Variants in SS18L1 observed in about 807,000 individuals in gnomAD.
SS18L1 encodes the protein SS18L1 subunit of BAF chromatin remodeling complex.
Under a neutral mutation model 70.3 loss-of-function variants are expected in SS18L1, and 32 were observed. The observed-to-expected ratio is 0.46, with a 90% CI of 0.34 to 0.61. The LOEUF (loss-of-function observed/expected upper bound fraction) is 0.61, where lower values mean the gene tolerates loss of function less well. Among genes scored for constraint, SS18L1 ranks in the 20% least tolerant of loss-of-function variants. SS18L1 has a pLI of 0.01. For missense variants in SS18L1, 430 were observed against 542.1 expected, an observed-to-expected ratio of 0.79 and a Z score of 2.05; for synonymous variants, 237 against 229.7, an observed-to-expected ratio of 1.03 and a Z score of -0.29.
chr20:62,178,157 T>C (rs1487464135), intron 10 of SS18L1, among the ~76,000 whole-genome samples: 5 of 138,754 alleles, frequency 3.6e-5, no homozygotes, highest in African/African-American at 1.1e-4. Flanking sequence ...TTTTTTTTTT[T>C]TTTTTTTGAG....
intron 1 of SS18L1, among the ~76,000 whole-genome samples, chr20:62,144,424 G>T (rs1281886968): frequency 6.6e-6 from 1 of 152,232 alleles, no homozygotes; most frequent in Non-Finnish European, 1.5e-5. Flanking sequence ...GGCCGGGGCT[G>T]CCCCTCTTGC....
intron 1 of SS18L1, chr20:62,154,562 C>T (rs866628738): frequency 9.9e-7 from 1 of 1,011,034 alleles, no homozygotes; most frequent in Non-Finnish European, 1.2e-6. Flanking sequence ...AGGGGGTGTC[C>T]CTTGGTATGG....
At chr20:62,176,939 C>T (rs1369499633) in intron 10 of SS18L1, among the ~76,000 whole-genome samples, 1 of 152,266 alleles carries the variant, frequency 6.6e-6, no homozygotes, top group Non-Finnish European at 1.5e-5. Flanking sequence ...TTTGGCACAG[C>T]ACTGCCGGCG....
chr20:62,150,633 A>ATTTTTTT lies in SS18L1; in HGVS notation c.69+6775_69+6781dup, dbSNP rs34708339. Among the ~76,000 whole-genome samples the ATTTTTTT allele has an allele frequency of 3.3e-3, 189 of 58,050 alleles. 60 individuals are homozygous for ATTTTTTT. Among genetic ancestry groups the ATTTTTTT allele is most frequent in the Non-Finnish European group, 5.1e-3 (144 of 28,244 alleles). The allele number at this position is 58,050 out of a possible 152,430, so 38.1% of individuals were successfully genotyped here. A position where few individuals can be genotyped will look rare whatever the true frequency, so the allele number is the denominator to read the frequency against. ...CGGAGCATAAGAAACATTGAGGTGG[A>ATTTTTTT]TTTTTTTTTTTTTTTTTTTTTTTTT... On this transcript the variant is annotated intron_variant, in intron 1 of 10. Coordinates refer to ENST00000331758, the MANE Select transcript of SS18L1 (RefSeq NM_198935.3).
chr20:62,156,652 T>C (rs1357446109), intron 1 of SS18L1, among the ~76,000 whole-genome samples: 1 of 152,226 alleles, frequency 6.6e-6, no homozygotes, highest in Non-Finnish European at 1.5e-5. Flanking sequence ...TGGCCTGGCT[T>C]GGCTCTCTCC....
At chr20:62,165,181 C>T (rs367621382) in intron 7 of SS18L1, among the ~76,000 whole-genome samples, 2 of 152,244 alleles carry the variant, frequency 1.3e-5, no homozygotes, top group African/African-American at 4.8e-5. Context: ...AGCGCTGATC[C>T]TCTGCATAAA....
intron 8 of SS18L1, among the ~76,000 whole-genome samples, chr20:62,166,712 G>T (rs1011553285): frequency 6.6e-6 from 1 of 151,358 alleles, no homozygotes; most frequent in African/African-American, 2.4e-5. Context: ...ATCACCTGAG[G>T]TCAGGAGTTT....
At chr20:62,171,002 C>T (rs1568762054) in intron 8 of SS18L1, among the ~76,000 whole-genome samples, 2 of 151,956 alleles carry the variant, frequency 1.3e-5, no homozygotes, top group Non-Finnish European at 1.5e-5. Flanking sequence ...CCTGGGTTCA[C>T]ACCATTCTCC....
At position 62,165,367 on chromosome 20, in the gene SS18L1, G is replaced by C; in HGVS notation, c.824-55G>C. ...AGCCTGGGTCTCAGTTGCCTCCTCC[G>C]GGACCTGTGCAGTGCACAGCCTCCG... On this transcript the variant is annotated intron_variant, in intron 7 of 10. Transcript: ENST00000331758. 2 of 1,546,598 alleles carry C rather than the reference G, an allele frequency of 1.3e-6. 1 individual carries two copies. Among genetic ancestry groups the C allele is most frequent in the Middle Eastern group, 3.4e-4 (2 of 5,918 alleles).
At chr20:62,146,198 T>G (rs941647300) in intron 1 of SS18L1, among the ~76,000 whole-genome samples, 3 of 152,230 alleles carry the variant, frequency 2.0e-5, no homozygotes, top group Non-Finnish European at 4.4e-5. Context: ...AAAGCCTCAC[T>G]CACGTGTTCC....
intron 8 of SS18L1, among the ~76,000 whole-genome samples, chr20:62,165,834 G>C (rs768824358): frequency 6.6e-6 from 1 of 152,226 alleles, no homozygotes; most frequent in East Asian, 1.9e-4. Context: ...GCCATGCTGG[G>C]GTTGGGGACA....
Position 62,163,524 on chromosome 20 carries a change from A to T in SS18L1, c.623A>T (p.Tyr208Phe). 2 of 1,611,916 alleles carry T rather than the reference A, an allele frequency of 1.2e-6. No individual in the cohort carries two copies. The highest frequency in any genetic ancestry group is 1.7e-6 in the Non-Finnish European group (2 of 1,179,812). ...TCGGCGCAGGGCGGCAGCCAGCACT[A>T]CCAGGGCCAGTCGTCCATCGCCATG... is the stretch of plus-strand genomic sequence containing the variant. ...YSSAQGGSQHYQGQSSIAMMG... is the reference protein window; with the variant it reads ...YSSAQGGSQHFQGQSSIAMMG... The change falls in exon 6 of 11, where the codon TAC becomes TTC. Residue 208 changes from tyrosine to phenylalanine, a missense_variant. Physicochemically the swap from Tyr to Phe is conservative, Grantham distance 22. Coordinates refer to ENST00000331758, the MANE Select transcript of SS18L1 (RefSeq NM_198935.3).
At chr20:62,168,825 G>T (rs1026824563) in intron 8 of SS18L1, among the ~76,000 whole-genome samples, 2 of 152,134 alleles carry the variant, frequency 1.3e-5, no homozygotes, top group African/African-American at 4.8e-5. Context: ...AAAATAAAAA[G>T]AATTTTCCAA....
intron 10 of SS18L1, chr20:62,175,526 G>A: frequency 3.6e-6 from 3 of 825,442 alleles, no homozygotes; most frequent in Non-Finnish European, 4.4e-6. Flanking sequence ...CTCGGTGGCT[G>A]GAGCACAGGG....
chr20:62,156,228 C>T (rs1310334307), intron 1 of SS18L1, among the ~76,000 whole-genome samples: 1 of 152,184 alleles, frequency 6.6e-6, no homozygotes, highest in Non-Finnish European at 1.5e-5. Context: ...GAGACAATCT[C>T]TGCCTGGGGG....
chr20:62,155,706 C>T (rs1297141524), intron 1 of SS18L1, among the ~76,000 whole-genome samples: 1 of 152,184 alleles, frequency 6.6e-6, no homozygotes, highest in Non-Finnish European at 1.5e-5. Context: ...AGATCCTGGG[C>T]GACCCTGAAA....
chr20:62,161,278 C>A lies in SS18L1; in HGVS notation c.232-158C>A. On this transcript the variant is annotated intron_variant, in intron 3 of 10. Transcript: ENST00000331758. The surrounding 1 kb of genome is among the most constrained non-coding windows in gnomAD (Gnocchi z 4.4). The stretch of plus-strand genomic sequence containing the variant: ...CCATCTGGGCCTGGTGCTCTGCGGT[C>A]ACCTGGCTGTGACGATGGCTGCTGA... 2.0e-6 allele frequency: 2 copies of A among 1,005,312 alleles called. No individual in the cohort carries two copies. The highest frequency in any genetic ancestry group is 3.0e-6 in the Non-Finnish European group (2 of 662,522). The allele number at this position is 1,005,312 out of a possible 1,614,324, so 62.3% of individuals were successfully genotyped here. A position where few individuals can be genotyped will look rare whatever the true frequency, so the allele number is the denominator to read the frequency against.
intron 1 of SS18L1, among the ~76,000 whole-genome samples, chr20:62,144,625 A>G (rs952117147): frequency 2.0e-5 from 3 of 152,080 alleles, no homozygotes; most frequent in Non-Finnish European, 4.4e-5. Context: ...TTGCTCCACA[A>G]CCTTTCTTCT....
chr20:62,154,856 C>T (rs955225905), intron 1 of SS18L1, among the ~76,000 whole-genome samples: 14 of 152,106 alleles, frequency 9.2e-5, no homozygotes, highest in African/African-American at 2.9e-4. Context: ...CGCGCTGGCC[C>T]ACTCCCTTTC....
Sources: allele counts gnomAD v4.1 joint callset (sites outside exome capture counted in the v4.1 genomes callset), GRCh38; gene constraint gnomAD v4.1.1; non-coding constraint Gnocchi (gnomAD v3.1); transcripts MANE v1.5; gene names NCBI Gene and HGNC (gene_info 2026-07-23, HGNC 2026-07-21).